TMTC2: variants seen among roughly 807,000 people sequenced by gnomAD.
TMTC2 encodes the protein transmembrane O-mannosyltransferase targeting cadherins 2.
In TMTC2, 43 loss-of-function variants were observed where a neutral mutation model predicts 82.4. That is an observed-to-expected ratio of 0.52 (90% confidence interval 0.41 to 0.67). The LOEUF is 0.67. Among genes scored for constraint, TMTC2 ranks in the 30% least tolerant of loss-of-function variants. The pLI is 0.00. For synonymous variants in TMTC2, 408 were observed against 381.9 expected (o/e 1.07, Z -0.80); for missense variants, 919 against 1,012.4 (o/e 0.91, Z 1.25).
At chr12:82,970,844 CT>C (rs1878419472) in intron 7 of TMTC2, among the ~76,000 whole-genome samples, 1 of 152,126 alleles carries the variant, frequency 6.6e-6, no homozygotes, top group Admixed American at 6.5e-5. Flanking sequence ...CTCTCAGTAA[CT>C]GCAGTCAAAA....
chr12:83,123,919 C>T (rs889908532), intron 11 of TMTC2, among the ~76,000 whole-genome samples: 1 of 152,164 alleles, frequency 6.6e-6, no homozygotes, highest in Non-Finnish European at 1.5e-5. Context: ...ACAGCTCAGT[C>T]TTAGTATCTC....
At chr12:82,872,013 CCCCG>C (rs1872215549) in intron 2 of TMTC2, among the ~76,000 whole-genome samples, 2 of 140,856 alleles carry the variant, frequency 1.4e-5, no homozygotes, top group African/African-American at 5.4e-5. Flanking sequence ...ACACCCCCCC[CCCCG>C]CCCACACCCC....
intron 7 of TMTC2, among the ~76,000 whole-genome samples, chr12:82,967,406 T>G (rs1324668072): frequency 7.1e-6 from 1 of 140,012 alleles, no homozygotes; most frequent in Non-Finnish European, 1.5e-5. Context: ...AGAGTAATAT[T>G]AATAATAAAA....
chr12:83,013,022 A>G (rs931948656), intron 8 of TMTC2, among the ~76,000 whole-genome samples: 1 of 152,206 alleles, frequency 6.6e-6, no homozygotes, highest in Admixed American at 6.5e-5. Context: ...AAAAGATTAT[A>G]GAAGAAGCAA....
chr12:82,805,497 CTTTTTTTTTTTTTTT>C (rs753878105), intron 1 of TMTC2, among the ~76,000 whole-genome samples: 15 of 90,564 alleles, frequency 1.7e-4, no homozygotes, highest in African/African-American at 6.8e-4. Context: ...CCTCTCCCCA[CTTTTTTTTTTTTTTT>C]TTTTTTTTTT....
chr12:83,065,260 A>G (rs187040818), intron 11 of TMTC2, among the ~76,000 whole-genome samples: 638 of 152,042 alleles, frequency 4.2e-3, no homozygotes, highest in Non-Finnish European at 7.0e-3. Context: ...TATTTTTTCT[A>G]TGATATGAAA....
At chr12:82,770,371 T>G (rs1877223517) in intron 1 of TMTC2, among the ~76,000 whole-genome samples, 1 of 152,168 alleles carries the variant, frequency 6.6e-6, no homozygotes, top group Non-Finnish European at 1.5e-5. Flanking sequence ...TATGTTTTAC[T>G]CTATTGCAGA....
intron 8 of TMTC2, among the ~76,000 whole-genome samples, chr12:83,012,103 C>A (rs1239588394): frequency 6.6e-6 from 1 of 152,114 alleles, no homozygotes; most frequent in Non-Finnish European, 1.5e-5. Context: ...CACCTACTCT[C>A]TCTTATTATT....
At position 82,927,455 on chromosome 12, in the gene TMTC2, T is replaced by C. The variant is rs1044212341; in HGVS notation, c.1484-2976T>C. ...AAGAAAGTGGTTTCTTGAGGTGCAG[T>C]CTACTCCTGGTGACCATGCTGTGAA... On this transcript the variant is annotated intron_variant, in intron 3 of 11. Coordinates refer to ENST00000321196, the MANE Select transcript of TMTC2 (RefSeq NM_152588.3). Among the ~76,000 whole-genome samples, 99 of 152,182 alleles carry C rather than the reference T, an allele frequency of 6.5e-4. 1 individual carries two copies. The highest frequency in any genetic ancestry group is 1.9e-4 in the Non-Finnish European group (13 of 68,022).
At position 83,134,606 on chromosome 12, in the gene TMTC2, G is replaced by GT. The variant is rs1027943522; in HGVS notation, c.*2217_*2218insT. 2.0e-5 allele frequency: 3 copies of GT among 148,900 alleles called. No individual in the cohort carries two copies. Among genetic ancestry groups the GT allele is most frequent in the Admixed American group, 6.7e-5 (1 of 15,016 alleles). The allele number at this position is 148,900 out of a possible 1,614,324, so 9.2% of individuals were successfully genotyped here. A position where few individuals can be genotyped will look rare whatever the true frequency, so the allele number is the denominator to read the frequency against. ...TGGACTTAGTAACTGACCAACTTCG[G>GT]GGGGAGGGTTGGGGCAAGGGGGGGT... On this transcript the variant is annotated 3_prime_UTR_variant, in exon 12 of 12. Coordinates refer to ENST00000321196, the MANE Select transcript of TMTC2 (RefSeq NM_152588.3).
At chr12:82,826,884 T>G (rs1291329525) in intron 1 of TMTC2, among the ~76,000 whole-genome samples, 3 of 152,220 alleles carry the variant, frequency 2.0e-5, no homozygotes, top group African/African-American at 7.2e-5. Flanking sequence ...TTTGTTATTG[T>G]TTTCTCTGAA....
At chr12:82,986,160 G>T in intron 8 of TMTC2, 114 bp downstream of exon 8, 1 of 1,415,100 alleles carries the variant, frequency 7.1e-7, no homozygotes. Context: ...GGGATGCAAT[G>T]GTGGTGATAC....
chr12:82,707,024 TTGATAA>T (rs1222767255), intron 1 of TMTC2, among the ~76,000 whole-genome samples: 1 of 152,222 alleles, frequency 6.6e-6, no homozygotes, highest in Non-Finnish European at 1.5e-5. Context: ...ATTATTTCTT[TTGATAA>T]TAAAGACTTT....
chr12:82,938,466 G>A (rs1221148897), intron 4 of TMTC2, among the ~76,000 whole-genome samples: 2 of 152,124 alleles, frequency 1.3e-5, no homozygotes, highest in Non-Finnish European at 2.9e-5. Context: ...ATAGAGGGAC[G>A]TGTTTAGTTG....
At chr12:82,747,041 G>A (rs1473031881) in intron 1 of TMTC2, among the ~76,000 whole-genome samples, 1 of 152,166 alleles carries the variant, frequency 6.6e-6, no homozygotes, top group Admixed American at 6.5e-5. Context: ...GGCTTGATGG[G>A]GCTCTAAGCA....
At chr12:82,692,523 A>G (rs1156794951) in intron 1 of TMTC2, among the ~76,000 whole-genome samples, 1 of 152,184 alleles carries the variant, frequency 6.6e-6, no homozygotes, top group Non-Finnish European at 1.5e-5. Flanking sequence ...AACCTTTGTA[A>G]TATTAGGAAA....
chr12:82,730,008 C>G (rs921018699), intron 1 of TMTC2, among the ~76,000 whole-genome samples: 12 of 152,064 alleles, frequency 7.9e-5, no homozygotes, highest in African/African-American at 2.7e-4. Context: ...GACCACGAAC[C>G]CACCAGAAGG....
At chr12:82,785,909 C>T (rs1486518902) in intron 1 of TMTC2, among the ~76,000 whole-genome samples, 2 of 152,024 alleles carry the variant, frequency 1.3e-5, no homozygotes, top group African/African-American at 2.4e-5. Context: ...GTCACCATCT[C>T]GATTTAAGTA....
intron 1 of TMTC2, among the ~76,000 whole-genome samples, chr12:82,727,114 AAAAC>A (rs1222099174): frequency 6.6e-6 from 1 of 151,904 alleles, no homozygotes; most frequent in African/African-American, 2.4e-5. Flanking sequence ...ATTGAAAAAA[AAAAC>A]AACCAGAAAA....
Sources: gnomAD v4.1 joint callset for allele counts (sites outside exome capture counted in the v4.1 genomes callset) on GRCh38, gnomAD v4.1.1 for gene constraint, MANE v1.5 for transcripts, NCBI Gene and HGNC (gene_info 2026-07-23, HGNC 2026-07-21) for gene names.